NUDT9: variants seen among roughly 807,000 people sequenced by gnomAD.
NUDT9 encodes the protein ADP-ribose pyrophosphatase.
Under a neutral mutation model 41.0 loss-of-function variants are expected in NUDT9, and 31 were observed. That is an observed-to-expected ratio of 0.76 (90% confidence interval 0.57 to 1.02). The LOEUF (loss-of-function observed/expected upper bound fraction) is 1.02. NUDT9 is among the 50% of genes least tolerant of loss of function. NUDT9 has a pLI of 0.00. For synonymous variants in NUDT9, 146 were observed against 147.6 expected (o/e 0.99, Z 0.08); for missense variants, 380 against 431.4 (o/e 0.88, Z 1.06).
At chr4:87,429,941 C>T (rs1391707564) in intron 1 of NUDT9, among the ~76,000 whole-genome samples, 9 of 152,012 alleles carry the variant, frequency 5.9e-5, no homozygotes, top group Non-Finnish European at 1.2e-4. Flanking sequence ...AATAATGGCC[C>T]CCCAAGTATG....
chr4:87,456,725 G>T (rs1191105614), intron 7 of NUDT9, among the ~76,000 whole-genome samples: 1 of 152,052 alleles, frequency 6.6e-6, no homozygotes, highest in Non-Finnish European at 1.5e-5. Context: ...CTCTGTATTT[G>T]CCTGTCTCTC....
chr4:87,437,507 A>C (rs545486278), intron 2 of NUDT9, among the ~76,000 whole-genome samples: 22 of 150,568 alleles, frequency 1.5e-4, no homozygotes, highest in Non-Finnish European at 1.9e-4. Context: ...TGCCCAGCTA[A>C]TTTTTTGTAT....
intron 4 of NUDT9, among the ~76,000 whole-genome samples, chr4:87,448,449 C>T (rs980690693): frequency 2.0e-5 from 3 of 151,912 alleles, no homozygotes; most frequent in African/African-American, 7.3e-5. Flanking sequence ...TGGCCCAAAG[C>T]AAATCTTACC....
Position 87,458,803 on chromosome 4 carries a change from G to C in NUDT9, c.*782G>C, listed in dbSNP as rs1182609448. 6.6e-6 allele frequency: 1 copy of C among 152,214 alleles called. No homozygotes were observed. Among genetic ancestry groups the C allele is most frequent in the African/African-American group, 2.4e-5 (1 of 41,458 alleles). 9.4% of individuals were successfully genotyped at this position (152,214 alleles called of 1,614,324 possible). On this transcript the variant is annotated 3_prime_UTR_variant, in exon 8 of 8. Coordinates refer to ENST00000302174, the MANE Select transcript of NUDT9 (RefSeq NM_024047.5). ...ATTGAAATCAGGACAAAAAATTACA[G>C]ATGCTAGTGAGGTTGTAGAGAAAAA...
chr4:87,426,899 G>C (rs1339179967), intron 1 of NUDT9, among the ~76,000 whole-genome samples: 4 of 136,706 alleles, frequency 2.9e-5, no homozygotes, highest in Non-Finnish European at 4.6e-5. Flanking sequence ...ATTGGGAGTC[G>C]CTCAGCCTAC....
At chr4:87,445,570 T>G (rs1300668289) in intron 4 of NUDT9, 2 of 152,188 alleles carry the variant, frequency 1.3e-5, no homozygotes, top group Admixed American at 1.3e-4. Context: ...AGTGTTAATA[T>G]ATTATTGTGA....
chr4:87,426,202 G>C (rs994483231), intron 1 of NUDT9, among the ~76,000 whole-genome samples: 2 of 152,174 alleles, frequency 1.3e-5, no homozygotes, highest in Non-Finnish European at 2.9e-5. Flanking sequence ...TCTTCCAGAA[G>C]GATCTACTGG....
At chr4:87,429,562 CTCT>C (rs1005618240) in intron 1 of NUDT9, among the ~76,000 whole-genome samples, 2 of 151,934 alleles carry the variant, frequency 1.3e-5, no homozygotes, top group African/African-American at 4.8e-5. Context: ...TTTTTTCCTT[CTCT>C]TTTTTTCCTT....
chr4:87,451,581 A>C lies in NUDT9; in HGVS notation c.643-8A>C. On this transcript the variant is annotated splice_polypyrimidine_tract_variant and splice_region_variant and intron_variant, in intron 5 of 7. Coordinates refer to ENST00000302174, the MANE Select transcript of NUDT9 (RefSeq NM_024047.5). Reference sequence around the variant, plus strand: ...CCCTTTTTTCAAAATTTTTAATGTGACTCTTAGGGGATGGTGGATCCAGGA... The same window carrying C: ...CCCTTTTTTCAAAATTTTTAATGTGCCTCTTAGGGGATGGTGGATCCAGGA... 1.2e-6 allele frequency: 2 copies of C among 1,600,954 alleles called. No homozygotes were observed. Among genetic ancestry groups the C allele is most frequent in the Non-Finnish European group, 1.7e-6 (2 of 1,176,354 alleles).
intron 7 of NUDT9, 132 bp downstream of exon 7, chr4:87,454,587 A>G: frequency 6.9e-6 from 4 of 583,640 alleles, no homozygotes; most frequent in Non-Finnish European, 1.2e-5. Flanking sequence ...CTGTAGTTAT[A>G]TGAAAGCAAA....
At chr4:87,428,916 T>TA (rs1721552432) in intron 1 of NUDT9, among the ~76,000 whole-genome samples, 1 of 152,130 alleles carries the variant, frequency 6.6e-6, no homozygotes, top group African/African-American at 2.4e-5. Flanking sequence ...CAAAGTCCTG[T>TA]AGTTTATATC....
chr4:87,434,329 C>T (rs977682290), intron 1 of NUDT9: 1 of 152,016 alleles, frequency 6.6e-6, no homozygotes, highest in African/African-American at 2.4e-5. Context: ...CAGATATGAG[C>T]CACCACACCT....
At chr4:87,423,451 C>T (rs1468315988) in intron 1 of NUDT9, among the ~76,000 whole-genome samples, 1 of 151,984 alleles carries the variant, frequency 6.6e-6, no homozygotes, top group East Asian at 1.9e-4. Context: ...TTACTATCTA[C>T]CTCCTTTTTT....
chr4:87,449,221 A>G lies in NUDT9; in HGVS notation c.610A>G (p.Arg204Gly), dbSNP rs747251847. ...TATCTTACAATTTGTTGCAATAAAA[A>G]GGAAAGACTGTGGAGAATGGGCAAT... ...KHILQFVAIKRKDCGEWAIPG... is the reference protein window; with the variant it reads ...KHILQFVAIKGKDCGEWAIPG... Residue 204 changes from arginine to glycine, a missense_variant, in exon 5 of 8, where the codon AGG becomes GGG. Arg to Gly is a moderately radical substitution (Grantham distance 125). Transcript: ENST00000302174. 1.2e-6 allele frequency: 2 copies of G among 1,608,512 alleles called. No individual in the cohort carries two copies. The highest frequency in any genetic ancestry group is 1.3e-5 in the African/African-American group (1 of 74,836).
At chr4:87,448,118 G>C (rs1453407127) in intron 4 of NUDT9, among the ~76,000 whole-genome samples, 1 of 149,980 alleles carries the variant, frequency 6.7e-6, no homozygotes, top group Admixed American at 6.7e-5. Flanking sequence ...TCTTAGCACA[G>C]GGTGAACTGT....
rs569738741 is a variant in NUDT9, at chr4:87,426,265, G to T, written c.107+3253G>T. Among the ~76,000 whole-genome samples the T allele has an allele frequency of 3.3e-5, 5 of 152,258 alleles. No homozygotes were observed. In the South Asian group the frequency reaches 1.0e-3, roughly 32 times the overall value. ...CTGTGAATGCATAAAACATATGAAT[G>T]AACCAAAAATGAAATAGAGATAGTA... On this transcript the variant is annotated intron_variant, in intron 1 of 7. Transcript: ENST00000302174.
At chr4:87,452,625 T>G (rs947583776) in intron 6 of NUDT9, among the ~76,000 whole-genome samples, 1 of 151,760 alleles carries the variant, frequency 6.6e-6, no homozygotes, top group Non-Finnish European at 1.5e-5. Flanking sequence ...TAATTTTTTG[T>G]TTTTTGTTTT....
intron 5 of NUDT9, 30 bp from the exon 6 acceptor site, chr4:87,451,558 CT>C: frequency 6.3e-7 from 1 of 1,590,918 alleles, no homozygotes. Flanking sequence ...AAGCTGATCC[CT>C]TTTTTCAAAA....
chr4:87,447,185 G>T (rs955829838), intron 4 of NUDT9, among the ~76,000 whole-genome samples: 2 of 152,068 alleles, frequency 1.3e-5, no homozygotes, highest in Non-Finnish European at 2.9e-5. Flanking sequence ...TTATGACTTT[G>T]TTTCTTGCTT....
Sources: allele counts gnomAD v4.1 joint callset (sites outside exome capture counted in the v4.1 genomes callset), GRCh38; gene constraint gnomAD v4.1.1; transcripts MANE v1.5; gene names NCBI Gene and HGNC (gene_info 2026-07-23, HGNC 2026-07-21).